Variants in NMNAT2 observed in about 807,000 individuals in gnomAD.
NMNAT2 encodes nicotinamide nucleotide adenylyltransferase 2, also known as nicotinamide/nicotinic acid mononucleotide adenylyltransferase 2.
A neutral mutation model predicts 41.6 loss-of-function variants in NMNAT2; 11 were observed. The observed-to-expected ratio is 0.26, with a 90% CI of 0.17 to 0.44. The LOEUF (loss-of-function observed/expected upper bound fraction) is 0.44. Ranked by LOEUF, NMNAT2 falls within the 20% of genes least tolerant of loss-of-function variation. The pLI is 1.00. For missense variants in NMNAT2, 288 were observed against 407.7 expected (o/e 0.71, Z 2.53); for synonymous variants, 148 against 151.2 (o/e 0.98, Z 0.16).
intron 8 of NMNAT2, among the ~76,000 whole-genome samples, chr1:183,265,753 G>A (rs1660796308): frequency 6.6e-6 from 1 of 152,116 alleles, no homozygotes; most frequent in Non-Finnish European, 1.5e-5. Context: ...CTTCTGTTAG[G>A]CTGAATAATG....
intron 1 of NMNAT2, among the ~76,000 whole-genome samples, chr1:183,325,200 G>A (rs1662436494): frequency 6.6e-6 from 1 of 152,212 alleles, no homozygotes; most frequent in African/African-American, 2.4e-5. Context: ...TCAAAAAGCT[G>A]AGGCCCAGTG....
rs768759539 is a variant in NMNAT2, at chr1:183,379,073, TATCTATATCTATATCTATA to T, written c.85+39091_85+39109del. Among the ~76,000 whole-genome samples the T allele has an allele frequency of 2.1e-3, 161 of 76,874 alleles. 1 individual carries two copies. Among genetic ancestry groups the T allele is most frequent in the African/African-American group, 5.3e-3 (130 of 24,492 alleles). 50.4% of individuals were successfully genotyped at this position (76,874 alleles called of 152,430 possible). A position where few individuals can be genotyped will look rare whatever the true frequency, so the allele number is the denominator to read the frequency against. On this transcript the variant is annotated intron_variant, in intron 1 of 10. Coordinates refer to ENST00000287713, the MANE Select transcript of NMNAT2 (RefSeq NM_015039.4). ...ATATCTATATCTATATCTATATCTA[TATCTATATCTATATCTATA>T]ATCTATAATCTATATCTCTCTCTCT... is the stretch of plus-strand genomic sequence containing the variant.
At chr1:183,309,386 C>T (rs771074305) in intron 1 of NMNAT2, among the ~76,000 whole-genome samples, 10 of 152,068 alleles carry the variant, frequency 6.6e-5, no homozygotes, top group East Asian at 1.9e-4. Context: ...GGAGCAAGAG[C>T]GGAGCCAGTG....
rs757797517 is a variant in NMNAT2 at position 183,261,043 on chromosome 1, G to A, written c.780C>T (p.Asp260=). 6.2e-7 allele frequency: 1 copy of A among 1,614,010 alleles called. No homozygotes were observed. The highest frequency in any genetic ancestry group is 1.1e-5 in the South Asian group (1 of 91,074). Residue 260 remains aspartate, a synonymous_variant, in exon 10 of 11, where the codon GAC becomes GAT. Coordinates refer to ENST00000287713, the MANE Select transcript of NMNAT2 (RefSeq NM_015039.4). ...TGACAACAGACATGGGATGGTTGATGTCATCCTTCACCACCATGATGTTGT... is the reference window on the plus strand; with the variant it reads ...TGACAACAGACATGGGATGGTTGATATCATCCTTCACCACCATGATGTTGT... ...YKNNIMVVKD[D]INHPMSVVSS...
chr1:183,299,768 C>T (rs1009273569), intron 1 of NMNAT2, among the ~76,000 whole-genome samples: 1 of 152,020 alleles, frequency 6.6e-6, no homozygotes, highest in East Asian at 1.9e-4. Context: ...TGTGGGAGAT[C>T]TTTGTGGTAA....
At position 183,306,200 on chromosome 1, in the gene NMNAT2, G is replaced by A. The variant is rs184637507; in HGVS notation, c.86-12407C>T. On this transcript the variant is annotated intron_variant, in intron 1 of 10. Coordinates refer to ENST00000287713, the MANE Select transcript of NMNAT2 (RefSeq NM_015039.4). ...CCTTAGTCCCCGACAAACTGTGTTG[G>A]TTGGTGCTGCAGGCTGAATAATGGC... is the stretch of plus-strand genomic sequence containing the variant. Among the ~76,000 whole-genome samples, 552 of 152,184 alleles carry A rather than the reference G, an allele frequency of 3.6e-3. 2 individuals are homozygous for A. The highest frequency in any genetic ancestry group is 6.3e-3 in the Non-Finnish European group (427 of 68,024).
chr1:183,304,967 C>T (rs188338720), intron 1 of NMNAT2: 37 of 1,064,546 alleles, frequency 3.5e-5, no homozygotes, highest in Admixed American at 6.3e-5. Context: ...CTCTCATATG[C>T]TCCCGCTTGT....
At chr1:183,370,058 T>C (rs937652485) in intron 1 of NMNAT2, among the ~76,000 whole-genome samples, 4 of 152,016 alleles carry the variant, frequency 2.6e-5, no homozygotes, top group African/African-American at 7.2e-5. Context: ...CCTCTTTTCC[T>C]TAACGCCTCC....
intron 3 of NMNAT2, among the ~76,000 whole-genome samples, chr1:183,291,107 G>A (rs1661528848): frequency 6.6e-6 from 1 of 152,224 alleles, no homozygotes; most frequent in South Asian, 2.1e-4. Flanking sequence ...AGCAGAGATG[G>A]GGTTTCACCA....
chr1:183,292,852 G>A lies in NMNAT2; in HGVS notation c.180C>T (p.Leu60=), dbSNP rs185589144. 26 of 1,613,924 alleles carry A rather than the reference G, an allele frequency of 1.6e-5. No individual in the cohort carries two copies. In the East Asian group the frequency reaches 2.5e-4, roughly 15 times the overall value. The change falls in exon 3 of 11, where the codon CTC becomes CTT. Residue 60 remains leucine, a synonymous_variant. Coordinates refer to ENST00000287713, the MANE Select transcript of NMNAT2 (RefSeq NM_015039.4). ...PVHDSYGKQG[L]VSSRHRLIMC... is the part of the protein sequence containing the mutation. The stretch of plus-strand genomic sequence containing the variant: ...TGATGAGACGGTGCCGGCTTGACAC[G>A]AGGCCCTGGGAAGCAACAGAGCAAT...
intron 1 of NMNAT2, among the ~76,000 whole-genome samples, chr1:183,327,899 C>G (rs1052583404): frequency 6.6e-6 from 1 of 151,954 alleles, no homozygotes; most frequent in Non-Finnish European, 1.5e-5. Context: ...CCTGGCTCCC[C>G]TGGGTTTCAG....
intron 1 of NMNAT2, among the ~76,000 whole-genome samples, chr1:183,333,911 G>C (rs563247699): frequency 5.9e-5 from 9 of 152,012 alleles, no homozygotes; most frequent in African/African-American, 1.7e-4. Flanking sequence ...AACTATCTCC[G>C]GGATCCACCA....
chr1:183,389,828 GAAAGAAAGAAAGA>G (rs1557897761), intron 1 of NMNAT2, among the ~76,000 whole-genome samples: 57 of 53,052 alleles, frequency 1.1e-3, no homozygotes, highest in African/African-American at 3.1e-3. Context: ...AAGAAAGAAA[GAAAGAAAGAAAGA>G]AAGGAAAAAA....
At chr1:183,354,625 C>T (rs1305896673) in intron 1 of NMNAT2, among the ~76,000 whole-genome samples, 1 of 152,038 alleles carries the variant, frequency 6.6e-6, no homozygotes, top group African/African-American at 2.4e-5. Flanking sequence ...CCATGTTGCC[C>T]AGGCTGGTCT....
chr1:183,341,655 G>A (rs909480707), intron 1 of NMNAT2, among the ~76,000 whole-genome samples: 1 of 126,952 alleles, frequency 7.9e-6, no homozygotes. Flanking sequence ...TCATGCTACT[G>A]CACCCAGCCT....
At chr1:183,403,017 T>C (rs2101927542) in intron 1 of NMNAT2, among the ~76,000 whole-genome samples, 1 of 151,262 alleles carries the variant, frequency 6.6e-6, no homozygotes, top group East Asian at 1.9e-4. Flanking sequence ...CACTGCAAAC[T>C]CCGCCTCCCA....
At chr1:183,373,293 G>A (rs552737334) in intron 1 of NMNAT2, among the ~76,000 whole-genome samples, 2 of 152,332 alleles carry the variant, frequency 1.3e-5, no homozygotes, top group South Asian at 4.1e-4. Context: ...TCTCTATGTG[G>A]TCAGAAACCT....
At chr1:183,301,750 T>G (rs1411574741) in intron 1 of NMNAT2, among the ~76,000 whole-genome samples, 3 of 152,234 alleles carry the variant, frequency 2.0e-5, no homozygotes, top group Non-Finnish European at 4.4e-5. Flanking sequence ...TATGAGTGAT[T>G]TACCCATTAA....
Position 183,250,256 on chromosome 1 carries a change from G to A in NMNAT2, c.*2385C>T, listed in dbSNP as rs202085139. 4 of 152,172 alleles carry A rather than the reference G, an allele frequency of 2.6e-5. No homozygotes were observed. Among genetic ancestry groups the A allele is most frequent in the African/African-American group, 7.2e-5 (3 of 41,412 alleles). The allele number at this position is 152,172 out of a possible 1,614,324, so 9.4% of individuals were successfully genotyped here. A position where few individuals can be genotyped will look rare whatever the true frequency, so the allele number is the denominator to read the frequency against. On this transcript the variant is annotated 3_prime_UTR_variant, in exon 11 of 11. Coordinates refer to ENST00000287713, the MANE Select transcript of NMNAT2 (RefSeq NM_015039.4). Reference sequence around the variant, plus strand: ...ATAGCATCATCCTGAGCACTCTGTGGGTCTTCCTTCACCTTCCACAAAGCA... The same window carrying A: ...ATAGCATCATCCTGAGCACTCTGTGAGTCTTCCTTCACCTTCCACAAAGCA...
Sources: allele counts gnomAD v4.1 joint callset (sites outside exome capture counted in the v4.1 genomes callset), GRCh38; gene constraint gnomAD v4.1.1; transcripts MANE v1.5; gene names NCBI Gene and HGNC (gene_info 2026-07-23, HGNC 2026-07-21).